Variants in UBE2E2 observed in about 807,000 individuals in gnomAD.
UBE2E2 encodes ubiquitin conjugating enzyme E2 E2.
Under a neutral mutation model 24.7 loss-of-function variants are expected in UBE2E2, and 6 were observed. The observed-to-expected ratio is 0.24, with a 90% CI of 0.13 to 0.48. UBE2E2 has a LOEUF of 0.48. Ranked by LOEUF, UBE2E2 falls within the 20% of genes least tolerant of loss-of-function variation. The pLI is 0.99. For missense variants in UBE2E2, 169 were observed against 245.0 expected (o/e 0.69, Z 2.07); for synonymous variants, 104 against 83.6 (o/e 1.24, Z -1.33).
At chr3:23,502,399 A>G (rs915137492) in intron 4 of UBE2E2, among the ~76,000 whole-genome samples, 7 of 152,168 alleles carry the variant, frequency 4.6e-5, no homozygotes, top group Admixed American at 3.9e-4. Flanking sequence ...GTGTGGATAT[A>G]CATACCATAA....
At chr3:23,309,451 T>A (rs1559342830) in intron 3 of UBE2E2, among the ~76,000 whole-genome samples, 2 of 152,310 alleles carry the variant, frequency 1.3e-5, no homozygotes, top group East Asian at 3.9e-4. Flanking sequence ...GCTATGATGG[T>A]GAAGAAATGT....
intron 3 of UBE2E2, among the ~76,000 whole-genome samples, chr3:23,414,982 G>C (rs1171693451): frequency 6.6e-6 from 1 of 152,142 alleles, no homozygotes; most frequent in Admixed American, 6.5e-5. Flanking sequence ...AGAGTGTTTG[G>C]TGTGAGAACA....
chr3:23,437,915 A>G (rs1190251560), intron 3 of UBE2E2, among the ~76,000 whole-genome samples: 1 of 152,206 alleles, frequency 6.6e-6, no homozygotes, highest in Admixed American at 6.5e-5. Flanking sequence ...GCAAGTTTTA[A>G]ACACCCTCAG....
Position 23,477,658 on chromosome 3 carries a change from T to C in UBE2E2, c.228-21950T>C, listed in dbSNP as rs9862673. On this transcript the variant is annotated intron_variant, in intron 3 of 5. Coordinates refer to ENST00000396703, the MANE Select transcript of UBE2E2 (RefSeq NM_152653.4). ...TTTAGCATCTTTTTTACTTTTTACTTATCATGTTTTGAGGATTTCTCCGTG... is the reference window on the plus strand; with the variant it reads ...TTTAGCATCTTTTTTACTTTTTACTCATCATGTTTTGAGGATTTCTCCGTG... 4.5e-3 allele frequency among the ~76,000 whole-genome samples: 685 copies of C among 152,346 alleles called. 4 individuals carry two copies. The highest frequency in any genetic ancestry group is 0.016 in the African/African-American group (646 of 41,574).
intron 5 of UBE2E2, among the ~76,000 whole-genome samples, chr3:23,557,954 A>G (rs1695828887): frequency 1.3e-5 from 2 of 152,222 alleles, no homozygotes; most frequent in South Asian, 4.1e-4. Context: ...ATTGACATCA[A>G]CACACTAGGT....
chr3:23,292,080 G>A (rs185398267), intron 3 of UBE2E2, among the ~76,000 whole-genome samples: 4,115 of 152,024 alleles, frequency 0.027, 121 homozygotes, highest in Middle Eastern at 0.095. Flanking sequence ...GGATGGTCTT[G>A]ATCTCCTGAC....
rs557978584 is a variant in UBE2E2, at chr3:23,444,074, T to G, written c.228-55534T>G. Among the ~76,000 whole-genome samples the G allele has an allele frequency of 8.6e-4, 130 of 151,660 alleles. 1 individual carries two copies. Among genetic ancestry groups the G allele is most frequent in the African/African-American group, 2.9e-3 (118 of 41,240 alleles). On this transcript the variant is annotated intron_variant, in intron 3 of 5. Transcript: ENST00000396703. Reference sequence around the variant, plus strand: ...TTTCTTCACCAGTTTTGTTTTTTTTTTTTTTTTTGCCAGCTTGTGTTGCTT... The same window carrying G: ...TTTCTTCACCAGTTTTGTTTTTTTTGTTTTTTTTGCCAGCTTGTGTTGCTT...
intron 3 of UBE2E2, among the ~76,000 whole-genome samples, chr3:23,283,994 G>C (rs1205839527): frequency 6.6e-6 from 1 of 152,146 alleles, no homozygotes; most frequent in Non-Finnish European, 1.5e-5. Context: ...TCTGAACAAT[G>C]TAGTTGTTTT....
chr3:23,483,360 C>G (rs1699295126), intron 3 of UBE2E2, among the ~76,000 whole-genome samples: 2 of 152,038 alleles, frequency 1.3e-5, no homozygotes, highest in South Asian at 4.2e-4. Flanking sequence ...TTTAAAGAAC[C>G]TACTCTTTGC....
chr3:23,295,105 T>C (rs1399337657), intron 3 of UBE2E2, among the ~76,000 whole-genome samples: 2 of 152,172 alleles, frequency 1.3e-5, no homozygotes, highest in African/African-American at 4.8e-5. Context: ...ATTTTCCATC[T>C]CTAGTCCTTT....
chr3:23,569,003 C>A (rs1440290172), intron 5 of UBE2E2, among the ~76,000 whole-genome samples: 1 of 151,878 alleles, frequency 6.6e-6, no homozygotes. Context: ...GAAATAAAAA[C>A]ATATGTCCAC....
chr3:23,353,755 G>T (rs1695840225), intron 3 of UBE2E2, among the ~76,000 whole-genome samples: 1 of 152,054 alleles, frequency 6.6e-6, no homozygotes, highest in Non-Finnish European at 1.5e-5. Context: ...AGAAATGGAA[G>T]AACATTCCAT....
At position 23,230,111 on chromosome 3, in the gene UBE2E2, A is replaced by G. The variant is rs117743085; in HGVS notation, c.227+12799A>G. Among the ~76,000 whole-genome samples the G allele has an allele frequency of 5.9e-3, 905 of 152,306 alleles. 28 individuals carry two copies. Among genetic ancestry groups the G allele is most frequent in the Admixed American group, 0.046 (704 of 15,290 alleles). Reference sequence around the variant, plus strand: ...TCTCCCCTCTGCTATCCACCATTATATTCTAAGGACTCTTAAATATTGTGG... The same window carrying G: ...TCTCCCCTCTGCTATCCACCATTATGTTCTAAGGACTCTTAAATATTGTGG... On this transcript the variant is annotated intron_variant, in intron 3 of 5. Transcript: ENST00000396703.
chr3:23,504,908 C>CTTTATTTTTTTTTTTTT (rs1694400616), intron 4 of UBE2E2, among the ~76,000 whole-genome samples: 1 of 67,230 alleles, frequency 1.5e-5, no homozygotes, highest in Non-Finnish European at 2.9e-5. Flanking sequence ...TTCAGACATT[C>CTTTATTTTTTTTTTTTT]TTTCTTTTTT....
At chr3:23,457,551 G>A (rs1698706417) in intron 3 of UBE2E2, among the ~76,000 whole-genome samples, 1 of 152,040 alleles carries the variant, frequency 6.6e-6, no homozygotes, top group African/African-American at 2.4e-5. Context: ...TGGAGGTAGG[G>A]TCTTGCTCTG....
chr3:23,358,177 T>G (rs1457345100), intron 3 of UBE2E2, among the ~76,000 whole-genome samples: 1 of 152,164 alleles, frequency 6.6e-6, no homozygotes, highest in African/African-American at 2.4e-5. Context: ...GAGGACCACT[T>G]GAAAAAATAT....
At chr3:23,268,740 G>A (rs1181381506) in intron 3 of UBE2E2, among the ~76,000 whole-genome samples, 16 of 148,850 alleles carry the variant, frequency 1.1e-4, no homozygotes, top group Non-Finnish European at 1.8e-4. Context: ...AGCCCGCATT[G>A]CCAAGTCAAT....
At chr3:23,265,465 CTAAA>C (rs1698022805) in intron 3 of UBE2E2, among the ~76,000 whole-genome samples, 1 of 152,082 alleles carries the variant, frequency 6.6e-6, no homozygotes, top group South Asian at 2.1e-4. Context: ...ATCCTGAACT[CTAAA>C]TAAGGCCTGC....
intron 3 of UBE2E2, among the ~76,000 whole-genome samples, chr3:23,267,985 G>T (rs200870801): frequency 1.3e-5 from 2 of 151,496 alleles, no homozygotes; most frequent in Non-Finnish European, 2.9e-5. Flanking sequence ...TGCAGAAAAG[G>T]CCTTTGACAA....
Sources: gnomAD v4.1 joint callset for allele counts (sites outside exome capture counted in the v4.1 genomes callset) on GRCh38, gnomAD v4.1.1 for gene constraint, MANE v1.5 for transcripts, NCBI Gene and HGNC (gene_info 2026-07-23, HGNC 2026-07-21) for gene names.